The following LTBP3 variants were observed in gnomAD, a reference collection of about 807,000 sequenced individuals.
LTBP3 encodes latent-transforming growth factor beta-binding protein 3.
A neutral mutation model predicts 159.7 loss-of-function variants in LTBP3; 97 were observed. That is an observed-to-expected ratio of 0.61 (90% CI 0.52 to 0.72). LTBP3 has a LOEUF of 0.72. Among genes scored for constraint, LTBP3 ranks in the 30% least tolerant of loss-of-function variants. The pLI is 0.00. For missense variants in LTBP3, 1,584 were observed against 1,864.3 expected, an observed-to-expected ratio of 0.85 and a Z score of 2.77; for synonymous variants, 824 against 777.1, an observed-to-expected ratio of 1.06 and a Z score of -1.00.
rs1232365108 is a variant in LTBP3, at chr11:65,539,163, T to C, written c.3829A>G (p.Ser1277Gly). 1 of 1,504,532 alleles carries C rather than the reference T, an allele frequency of 6.6e-7. No homozygotes were observed. Among genetic ancestry groups the C allele is most frequent in the South Asian group, 1.2e-5 (1 of 81,572 alleles). 93.2% of individuals were successfully genotyped at this position (1,504,532 alleles called of 1,614,324 possible). A position where few individuals can be genotyped will look rare whatever the true frequency, so the allele number is the denominator to read the frequency against. ...TTGCAGACGCAGCGGAAGGAGCCGCTGGTGTTCACGCAGCGCTCGCTCTTG... is the reference window on the plus strand; with the variant it reads ...TTGCAGACGCAGCGGAAGGAGCCGCCGGTGTTCACGCAGCGCTCGCTCTTG... ...LCKSERCVNT[S>G]GSFRCVCKAG... Residue 1277 changes from serine (S) to glycine (G), a missense_variant, in exon 28 of 28, where the codon AGC (serine) becomes GGC (glycine). Physicochemically the swap from Ser to Gly is moderately conservative, Grantham distance 56. Coordinates refer to ENST00000301873, the MANE Select transcript of LTBP3 (RefSeq NM_001130144.3).
chr11:65,543,930 G>T, intron 16 of LTBP3: 1 of 330,946 alleles, frequency 3.0e-6, no homozygotes, highest in Non-Finnish European at 6.0e-6. Flanking sequence ...CCTCCCCCGG[G>T]ACACACTTTC....
chr11:65,554,979 C>T lies in LTBP3; in HGVS notation c.332-599G>A, dbSNP rs2135161685. 6.6e-6 allele frequency among the ~76,000 whole-genome samples: 1 copy of T among 152,254 alleles called. No individual in the cohort carries two copies. Among genetic ancestry groups the T allele is most frequent in the African/African-American group, 2.4e-5 (1 of 41,538 alleles). On this transcript the variant is annotated intron_variant, in intron 1 of 27. Coordinates refer to ENST00000301873, the MANE Select transcript of LTBP3 (RefSeq NM_001130144.3). This position sits in a 1 kb window ranked among gnomAD's most constrained non-coding sequence, Gnocchi z 5.3. ...CCAGCCTTTCCAGGGCTCTCTCAGG[C>T]ACCTCTGCCCAGGACATACTGTCAG... is the stretch of plus-strand genomic sequence containing the variant.
intron 19 of LTBP3, 47 bp from the exon 20 acceptor site, chr11:65,541,340 C>A (rs1180056605): frequency 6.3e-7 from 1 of 1,593,212 alleles, no homozygotes; most frequent in Non-Finnish European, 8.5e-7. Flanking sequence ...CCCCCCTTGG[C>A]CCTGTCCACC....
rs1856698455 is a variant in LTBP3, at chr11:65,553,719, G to A, written c.846C>T (p.Asp282=). ...TQKPLGRCFQ[D]TLPKQPCGSN... ...CACTCACCGGCTGCTTGGGCAGAGT[G>A]TCCTGAAAGCAGCGGCCCAGGGGCT... Residue 282 remains aspartate, a synonymous_variant, in exon 3 of 28, where the codon GAC becomes GAT. Coordinates refer to ENST00000301873, the MANE Select transcript of LTBP3 (RefSeq NM_001130144.3). The surrounding 1 kb of genome is among the most constrained non-coding windows in gnomAD (Gnocchi z 6.5). 4 of 1,578,776 alleles carry A rather than the reference G, an allele frequency of 2.5e-6. No individual in the cohort carries two copies. The highest frequency in any genetic ancestry group is 3.4e-6 in the Non-Finnish European group (4 of 1,170,252).
chr11:65,557,923 G>C lies in LTBP3; in HGVS notation c.37C>G (p.Pro13Ala). The C allele has an allele frequency of 8.1e-7, 1 of 1,234,404 alleles. No homozygotes were observed. The highest frequency in any genetic ancestry group is 1.0e-6 in the Non-Finnish European group (1 of 980,244). The allele number at this position is 1,234,404 out of a possible 1,614,324, so 76.5% of individuals were successfully genotyped here. Residue 13 changes from proline (P) to alanine (A), a missense_variant, in exon 1 of 28, where the codon CCT (proline) becomes GCT (alanine). Around this residue, in one of 6 missense-constraint regions of LTBP3, gnomAD observed 79 missense variants for 64.7 expected, o/e 1.22. Transcript: ENST00000301873. Reference protein sequence around the residue: ...GPRGAAGGLAPEMRGAGAAGL... With the variant: ...GPRGAAGGLAAEMRGAGAAGL... ...GCCGCCCCCGCCCCGCGCATCTCAG[G>C]GGCCAGGCCGCCAGCAGCCCCTCGG...
chr11:65,549,593 G>GTTTTTT (rs1565097219), intron 11 of LTBP3, among the ~76,000 whole-genome samples: 1 of 109,890 alleles, frequency 9.1e-6, no homozygotes, highest in African/African-American at 3.6e-5. Flanking sequence ...TTTTTTTTTG[G>GTTTTTT]ATTTTTAGTA....
rs767494218 is a variant in LTBP3, at chr11:65,547,760, G to C, written c.1908C>G (p.Gly636=). The C allele has an allele frequency of 3.1e-6, 5 of 1,610,934 alleles. No individual in the cohort carries two copies. In the East Asian group the frequency reaches 1.1e-4, roughly 36 times the overall value. Residue 636 remains glycine, a synonymous_variant, in exon 13 of 28, where the codon GGC becomes GGG. Coordinates refer to ENST00000301873, the MANE Select transcript of LTBP3 (RefSeq NM_001130144.3). This position sits in a 1 kb window ranked among gnomAD's most constrained non-coding sequence, Gnocchi z 4.6. The part of the protein sequence containing the change: ...GPGRGICMNT[G]GSYNCHCNRG... ...GGTTGCAGTGGCAATTGTAGGAGCC[G>C]CCGGTGTTCATGCAGATGCCCCTCC...
chr11:65,540,932 T>A lies in LTBP3; in HGVS notation c.2916A>T (p.Pro972=). ...TGTCCTGGGTGTAGCCCTTTCCGTC[T>A]GGGCAGAGGCTGTGGAACTCGGCTG... ...YSSAEFHSLC[P]DGKGYTQDNN... Residue 972 remains proline (P), a synonymous_variant, in exon 21 of 28, where the codon CCA becomes CCT. Coordinates refer to ENST00000301873, the MANE Select transcript of LTBP3 (RefSeq NM_001130144.3). The A allele has an allele frequency of 6.2e-7, 1 of 1,613,572 alleles. No individual in the cohort carries two copies. Among genetic ancestry groups the A allele is most frequent in the Non-Finnish European group, 8.5e-7 (1 of 1,179,812 alleles).
At chr11:65,549,746 C>A (rs1856527303) in intron 11 of LTBP3, among the ~76,000 whole-genome samples, 1 of 122,512 alleles carries the variant, frequency 8.2e-6, no homozygotes, top group East Asian at 2.4e-4. Context: ...CAGGAAAACT[C>A]CCCAGGCCGG....
intron 16 of LTBP3, chr11:65,544,604 A>C (rs1327428960): frequency 1.3e-5 from 2 of 152,408 alleles, no homozygotes; most frequent in African/African-American, 4.8e-5. Flanking sequence ...GACTCCTCTA[A>C]AGCTTTGACT....
In LTBP3 at chr11:65,546,955, G is replaced by T; in HGVS notation, c.2108-35C>A. ...AGGGAGAAGGAAGAGGACCCATCTG[G>T]GGACAACGCGGGTGGCCCGGCTCCC... On this transcript the variant is annotated intron_variant, in intron 14 of 27. Coordinates refer to ENST00000301873, the MANE Select transcript of LTBP3 (RefSeq NM_001130144.3). The surrounding 1 kb of genome is among the most constrained non-coding windows in gnomAD (Gnocchi z 4.0). 1 of 1,606,210 alleles carries T rather than the reference G, an allele frequency of 6.2e-7. No individual in the cohort carries two copies.
chr11:65,543,752 T>A, intron 16 of LTBP3: 1 of 634,176 alleles, frequency 1.6e-6, no homozygotes, highest in Non-Finnish European at 2.8e-6. Context: ...CCAGGTCTGA[T>A]GCTAAAGAGC....
In LTBP3 at chr11:65,557,855, C is replaced by T; in HGVS notation, c.105G>A (p.Leu35=). ...ALLLLLLLLL[L]GLGGRVEGGP... ...CCCCCTCGACCCTGCCGCCCAGGCC[C>T]AGCAGCAGCAGCAGCAGCAGCAGCA... The change falls in exon 1 of 28, where the codon CTG becomes CTA. Residue 35 remains leucine (L), a synonymous_variant. Transcript: ENST00000301873. 2 of 851,624 alleles carry T rather than the reference C, an allele frequency of 2.3e-6. No homozygotes were observed. Among genetic ancestry groups the T allele is most frequent in the Non-Finnish European group, 3.0e-6 (2 of 669,970 alleles). The allele number at this position is 851,624 out of a possible 1,614,324, so 52.8% of individuals were successfully genotyped here. A position where few individuals can be genotyped will look rare whatever the true frequency, so the allele number is the denominator to read the frequency against.
At chr11:65,543,043 GTGT>G (rs1445883263) in intron 18 of LTBP3, 59 bp downstream of exon 18, 75 of 1,606,434 alleles carry the variant, frequency 4.7e-5, no homozygotes, top group Middle Eastern at 1.7e-4. Context: ...AGGCCACAGT[GTGT>G]CTAGGGAATT....
chr11:65,541,374 C>T (rs975102210), intron 19 of LTBP3, 81 bp from the exon 20 acceptor site: 16 of 1,527,846 alleles, frequency 1.0e-5, no homozygotes, highest in East Asian at 2.3e-5. Context: ...ACAGGTCTTT[C>T]CCCCCACATT....
rs1009791047 is a variant in LTBP3 at position 65,538,574 on chromosome 11, C to T, written c.*506G>A. ...GCCCGGAAGCTGGACTGAACCGTGG[C>T]GGTGGCCCTTCCCGGCTGCGGAGAG... On this transcript the variant is annotated 3_prime_UTR_variant, in exon 28 of 28. Coordinates refer to ENST00000301873, the MANE Select transcript of LTBP3 (RefSeq NM_001130144.3). The T allele has an allele frequency of 3.1e-6, 5 of 1,607,668 alleles. No homozygotes were observed. The highest frequency in any genetic ancestry group is 4.5e-5 in the East Asian group (2 of 44,716).
At position 65,558,018 on chromosome 11, in the gene LTBP3, C is replaced by T. The variant is rs1169310617; in HGVS notation, c.-59G>A. 9.1e-7 allele frequency: 1 copy of T among 1,094,586 alleles called. No individual in the cohort carries two copies. Among genetic ancestry groups the T allele is most frequent in the Non-Finnish European group, 1.1e-6 (1 of 900,316 alleles). The allele number at this position is 1,094,586 out of a possible 1,614,324, so 67.8% of individuals were successfully genotyped here. ...GCCCGGGCGGGGCGAGGGGCCCGCG[C>T]CCGAAGGGAGTAGAGGGCCGGGAGC... is the stretch of plus-strand genomic sequence containing the variant. On this transcript the variant is annotated 5_prime_UTR_variant, in exon 1 of 28. Transcript: ENST00000301873.
At position 65,539,318 on chromosome 11, in the gene LTBP3, C is replaced by A. The variant is rs766632361; in HGVS notation, c.3760+10G>T. On this transcript the variant is annotated intron_variant, in intron 27 of 27. Coordinates refer to ENST00000301873, the MANE Select transcript of LTBP3 (RefSeq NM_001130144.3). ...CCCGCCCCTGCCCCCACCCCCGAAG[C>A]CCGGCTCACCCACGCAGCGGGCGCG... The A allele has an allele frequency of 6.6e-7, 1 of 1,511,102 alleles. No individual in the cohort carries two copies. The highest frequency in any genetic ancestry group is 1.2e-5 in the South Asian group (1 of 82,346). 93.6% of individuals were successfully genotyped at this position (1,511,102 alleles called of 1,614,324 possible).
intron 18 of LTBP3, 42 bp from the exon 19 acceptor site, chr11:65,541,770 T>C (rs1856148698): frequency 6.2e-7 from 1 of 1,611,270 alleles, no homozygotes; most frequent in Admixed American, 1.7e-5. Context: ...CAGCCCCTCT[T>C]TCCCTGGGGC....
Sources: allele counts gnomAD v4.1 joint callset (sites outside exome capture counted in the v4.1 genomes callset), GRCh38; gene constraint gnomAD v4.1.1; regional missense constraint gnomAD v4.1.1; non-coding constraint Gnocchi (gnomAD v3.1); transcripts MANE v1.5; gene names NCBI Gene and HGNC (gene_info 2026-07-23, HGNC 2026-07-21).